Variants in IDE observed in about 807,000 individuals in gnomAD.
IDE encodes insulin degrading enzyme, also known as insulin-degrading enzyme.
IDE carries 58 observed loss-of-function variants against 133.2 expected under a neutral mutation model. That is an observed-to-expected ratio of 0.44 (90% confidence interval 0.35 to 0.54). The LOEUF is 0.54. Ranked by LOEUF, IDE falls within the 20% of genes least tolerant of loss-of-function variation. IDE has a pLI of 0.00. For synonymous variants in IDE, 396 were observed against 421.3 expected, an observed-to-expected ratio of 0.94 and a Z score of 0.73; for missense variants, 981 against 1,234.0, an observed-to-expected ratio of 0.79 and a Z score of 3.07.
At chr10:92,522,906 T>C (rs190217399) in intron 4 of IDE, among the ~76,000 whole-genome samples, 2 of 152,246 alleles carry the variant, frequency 1.3e-5, no homozygotes, top group Admixed American at 6.5e-5. Context: ...GAGATGATGA[T>C]CCTGGAAAAT....
Position 92,468,904 on chromosome 10 carries a change from C to A in IDE, c.2295G>T (p.Arg765=), listed in dbSNP as rs373755533. The change falls in exon 19 of 25, where the codon CGG becomes CGT. Residue 765 remains arginine (R), a synonymous_variant. Transcript: ENST00000265986. ...TKPLLPSQLV[R]YREVQLPDRG... Reference sequence around the variant, plus strand: ...TGTCAGGGAGCTGAACTTCTCTATACCGAACCAGCTGACTTGGAAGGAGAG... The same window carrying A: ...TGTCAGGGAGCTGAACTTCTCTATAACGAACCAGCTGACTTGGAAGGAGAG... 4.4e-5 allele frequency: 70 copies of A among 1,608,854 alleles called. 1 individual carries two copies. Among genetic ancestry groups the A allele is most frequent in the Non-Finnish European group, 5.8e-5 (68 of 1,175,322 alleles).
chr10:92,530,275 G>A (rs1261110671), intron 4 of IDE, among the ~76,000 whole-genome samples: 2 of 150,544 alleles, frequency 1.3e-5, no homozygotes. Flanking sequence ...TGAATGTAAT[G>A]CTTTTGAAAA....
At chr10:92,534,162 T>TCC (rs1850104231) in intron 3 of IDE, among the ~76,000 whole-genome samples, 1 of 152,090 alleles carries the variant, frequency 6.6e-6, no homozygotes, top group African/African-American at 2.4e-5. Context: ...TTTCAAAATA[T>TCC]CCCCACGGTT....
At chr10:92,536,011 C>G (rs1012297042) in intron 2 of IDE, among the ~76,000 whole-genome samples, 4 of 148,808 alleles carry the variant, frequency 2.7e-5, no homozygotes, top group African/African-American at 9.9e-5. Flanking sequence ...ACTCCAGCCT[C>G]GGCAACAGAG....
chr10:92,534,513 ATAAT>A, intron 3 of IDE, 61 bp downstream of exon 3: 2 of 908,056 alleles, frequency 2.2e-6, no homozygotes, highest in Non-Finnish European at 3.4e-6. Context: ...TGTGGAAATA[ATAAT>A]TATTATTATT....
rs532640111 is a variant in IDE, at chr10:92,548,342, A to G, written c.99-10792T>C. On this transcript the variant is annotated intron_variant, in intron 1 of 24. Coordinates refer to ENST00000265986, the MANE Select transcript of IDE (RefSeq NM_004969.4). ...CCACTGCACTCCAACCTGGGCAACA[A>G]GAGCAAAACTCCATCTCAAAAAAAA... Among the ~76,000 whole-genome samples, 28 of 144,994 alleles carry G rather than the reference A, an allele frequency of 1.9e-4. No individual in the cohort carries two copies. In the East Asian group the frequency reaches 5.5e-3, roughly 28 times the overall value.
chr10:92,459,137 T>C (rs1020890696), intron 22 of IDE, among the ~76,000 whole-genome samples: 3 of 152,206 alleles, frequency 2.0e-5, no homozygotes, highest in African/African-American at 4.8e-5. Context: ...ATATCAGCTA[T>C]ATTAATACTT....
At chr10:92,548,253 G>A (rs143374250) in intron 1 of IDE, among the ~76,000 whole-genome samples, 2,241 of 151,172 alleles carry the variant, frequency 0.015, 38 homozygotes, top group South Asian at 0.058. Flanking sequence ...CCAGCTACTC[G>A]GGAGGCTGAG....
intron 1 of IDE, among the ~76,000 whole-genome samples, chr10:92,570,370 T>C (rs1020424111): frequency 2.6e-5 from 4 of 152,218 alleles, no homozygotes; most frequent in South Asian, 2.1e-4. Context: ...TGCATTTACA[T>C]AGTACTGGAC....
At chr10:92,503,730 T>C (rs1006425585) in intron 11 of IDE, among the ~76,000 whole-genome samples, 2 of 151,980 alleles carry the variant, frequency 1.3e-5, no homozygotes, top group African/African-American at 2.4e-5. Context: ...TTTTTTTTTT[T>C]TTTTTGAGAC....
At chr10:92,469,652 A>G (rs1845864286) in intron 18 of IDE, among the ~76,000 whole-genome samples, 1 of 152,152 alleles carries the variant, frequency 6.6e-6, no homozygotes, top group Non-Finnish European at 1.5e-5. Context: ...CTTGGGTTCA[A>G]GTAATCCTCC....
intron 1 of IDE, among the ~76,000 whole-genome samples, chr10:92,549,574 G>C (rs1049180695): frequency 2.6e-5 from 4 of 152,132 alleles, no homozygotes; most frequent in African/African-American, 9.7e-5. Flanking sequence ...CCTTGTCCTA[G>C]AGTAAGGAAT....
intron 6 of IDE, 94 bp downstream of exon 6, chr10:92,509,956 A>G: frequency 1.7e-6 from 1 of 594,346 alleles, no homozygotes; most frequent in East Asian, 2.9e-5. Flanking sequence ...ATAAATAATG[A>G]AACCTCCAAA....
chr10:92,530,023 T>C (rs1304980751), intron 4 of IDE, among the ~76,000 whole-genome samples: 1 of 151,940 alleles, frequency 6.6e-6, no homozygotes, highest in African/African-American at 2.4e-5. Context: ...ATCAGGATTT[T>C]GAGACCAGCC....
Position 92,455,406 on chromosome 10 carries a change from G to A in IDE, c.2964+170C>T, listed in dbSNP as rs553557878. Among the ~76,000 whole-genome samples, 196 of 152,278 alleles carry A rather than the reference G, an allele frequency of 1.3e-3. 2 individuals carry two copies. The highest frequency in any genetic ancestry group is 4.5e-3 in the African/African-American group (186 of 41,562). Reference sequence around the variant, plus strand: ...CAGGATAATTGCTTGAACCCAAGAAGTGGAGGTTGTAGTGAGCTGAGCTGA... The same window carrying A: ...CAGGATAATTGCTTGAACCCAAGAAATGGAGGTTGTAGTGAGCTGAGCTGA... On this transcript the variant is annotated intron_variant, in intron 24 of 24. Transcript: ENST00000265986.
intron 1 of IDE, among the ~76,000 whole-genome samples, chr10:92,558,539 T>C (rs1422182671): frequency 6.6e-6 from 1 of 152,212 alleles, no homozygotes; most frequent in Non-Finnish European, 1.5e-5. Flanking sequence ...TAGAATGGCA[T>C]AAAATATTTG....
rs1420621370 is a variant in IDE, at chr10:92,479,392, C to A, written c.1769G>T (p.Cys590Phe). 1 of 1,612,964 alleles carries A rather than the reference C, an allele frequency of 6.2e-7. No homozygotes were observed. Among genetic ancestry groups the A allele is most frequent in the Non-Finnish European group, 8.5e-7 (1 of 1,179,084 alleles). Residue 590 changes from cysteine to phenylalanine, a missense_variant, in exon 15 of 25, where the codon TGT becomes TTT. Physicochemically the swap from Cys to Phe is radical, Grantham distance 205. This residue lies in a region of IDE where 660 missense variants were observed against 894.7 expected (regional missense o/e 0.74). Transcript: ENST00000265986. ...SPFAYVDPLH[C>F]NMAYLYLELL... ...CTCAAGGTACAAATAGGCCATGTTACAGTGCAAGGGGTCCACATAAGCAAA... is the reference window on the plus strand; with the variant it reads ...CTCAAGGTACAAATAGGCCATGTTAAAGTGCAAGGGGTCCACATAAGCAAA...
intron 5 of IDE, among the ~76,000 whole-genome samples, chr10:92,511,101 A>ATTT (rs1848603577): frequency 7.6e-6 from 1 of 132,434 alleles, no homozygotes; most frequent in Admixed American, 7.7e-5. Context: ...AAAAAAAAAA[A>ATTT]CTTTTTTTTT....
At chr10:92,547,007 T>A (rs1304016021) in intron 1 of IDE, among the ~76,000 whole-genome samples, 1 of 152,200 alleles carries the variant, frequency 6.6e-6, no homozygotes. Context: ...ATTTTACATA[T>A]GGGCAACCTC....
Sources: gnomAD v4.1 joint callset for allele counts (sites outside exome capture counted in the v4.1 genomes callset) on GRCh38, gnomAD v4.1.1 for gene constraint, gnomAD v4.1.1 regional missense constraint, MANE v1.5 for transcripts, NCBI Gene and HGNC (gene_info 2026-07-23, HGNC 2026-07-21) for gene names.